The following KLF8 variants were observed in gnomAD, a reference collection of about 807,000 sequenced individuals.
KLF8 encodes Krueppel-like factor 8.
A neutral mutation model predicts 18.2 loss-of-function variants in KLF8; 10 were observed. That is an observed-to-expected ratio of 0.55 (90% CI 0.34 to 0.93). The LOEUF (loss-of-function observed/expected upper bound fraction) is 0.93. Among genes scored for constraint, KLF8 ranks in the 40% least tolerant of loss-of-function variants. The pLI, the probability that KLF8 is intolerant of heterozygous loss-of-function variation, is 0.02. For missense variants in KLF8, 264 were observed against 277.9 expected (o/e 0.95, Z 0.36); for synonymous variants, 109 against 97.3 (o/e 1.12, Z -0.71).
chrX:55,980,403 G>A, the KLF8 span, among the ~76,000 whole-genome samples: 3 of 111,397 alleles, frequency 2.7e-5, no homozygotes, highest in African/African-American at 9.8e-5. Context: ...GAATAGAGGA[G>A]GGTAAGGTTT....
At chrX:56,104,507 G>A in the KLF8 span, among the ~76,000 whole-genome samples, 1 of 111,678 alleles carries the variant, frequency 9.0e-6, no homozygotes, top group African/African-American at 3.3e-5. Flanking sequence ...TTGCATAGAG[G>A]TGTTTATAGT....
At chrX:56,003,007 A>G in the KLF8 span, among the ~76,000 whole-genome samples, 2 of 112,138 alleles carry the variant, frequency 1.8e-5, no homozygotes, top group Non-Finnish European at 3.8e-5. Context: ...AAAAACCATT[A>G]TTCACTTTTA....
At chrX:56,090,065 A>T in the KLF8 span, among the ~76,000 whole-genome samples, 1 of 111,974 alleles carries the variant, frequency 8.9e-6, no homozygotes, top group Non-Finnish European at 1.9e-5. Context: ...ACCTTCATTT[A>T]TCACCTAATG....
chrX:55,920,487 A>G, the KLF8 span, among the ~76,000 whole-genome samples: 1 of 111,810 alleles, frequency 8.9e-6, no homozygotes, highest in African/African-American at 3.2e-5. Flanking sequence ...GAGGCAATAG[A>G]AAAAGGTGAA....
the KLF8 span, among the ~76,000 whole-genome samples, chrX:56,138,825 G>A: frequency 5.4e-5 from 6 of 110,952 alleles, no homozygotes; most frequent in African/African-American, 2.0e-4. Context: ...AGAGCAATAA[G>A]GCAAGAAAAA....
At chrX:56,258,768 T>C (rs1026882960) in intron 2 of KLF8, among the ~76,000 whole-genome samples, 3 of 111,972 alleles carry the variant, frequency 2.7e-5, no homozygotes, top group African/African-American at 9.7e-5. Flanking sequence ...GGATATCTTA[T>C]TTTTAGAAAA....
At chrX:55,958,343 C>A in the KLF8 span, among the ~76,000 whole-genome samples, 1 of 111,779 alleles carries the variant, frequency 8.9e-6, no homozygotes, top group African/African-American at 3.3e-5. Flanking sequence ...CTGGGTTGGG[C>A]AGTGGGGGGA....
chrX:56,049,544 G>A, the KLF8 span, among the ~76,000 whole-genome samples: 5 of 106,775 alleles, frequency 4.7e-5, no homozygotes, highest in African/African-American at 1.4e-4. Context: ...TTTGTCTTTG[G>A]CTCTGTTTAT....
At chrX:56,016,263 AAT>A in the KLF8 span, among the ~76,000 whole-genome samples, 1 of 112,242 alleles carries the variant, frequency 8.9e-6, no homozygotes, top group Non-Finnish European at 1.9e-5. Flanking sequence ...TGAAGTATAT[AAT>A]ATAGTGCCTG....
chrX:56,201,336 T>C, the KLF8 span, among the ~76,000 whole-genome samples: 6 of 112,023 alleles, frequency 5.4e-5, no homozygotes, highest in Admixed American at 4.8e-4. Flanking sequence ...GAGGATAAGA[T>C]GCTATGTTAA....
the KLF8 span, among the ~76,000 whole-genome samples, chrX:56,064,429 G>A: frequency 3.7e-5 from 4 of 108,242 alleles, no homozygotes; most frequent in African/African-American, 1.4e-4. Flanking sequence ...TGAGTTTCTT[G>A]TGAGCAGCAT....
chrX:56,150,591 T>A, the KLF8 span, among the ~76,000 whole-genome samples: 3 of 110,996 alleles, frequency 2.7e-5, no homozygotes, highest in South Asian at 1.2e-3. Flanking sequence ...TGGGGACCCC[T>A]CCCTAGACCT....
chrX:55,943,452 G>A, the KLF8 span, among the ~76,000 whole-genome samples: 1 of 111,399 alleles, frequency 9.0e-6, no homozygotes. Flanking sequence ...CTGGTTTGAT[G>A]AGTCTATTCA....
chrX:56,047,619 T>C, the KLF8 span, among the ~76,000 whole-genome samples: 1 of 111,181 alleles, frequency 9.0e-6, no homozygotes, highest in Non-Finnish European at 1.9e-5. Flanking sequence ...GGCTGCAGAG[T>C]ATTCCATGGT....
chrX:55,941,054 C>T, the KLF8 span, among the ~76,000 whole-genome samples: 1 of 111,624 alleles, frequency 9.0e-6, no homozygotes, highest in African/African-American at 3.3e-5. Flanking sequence ...CAAAAAAGAG[C>T]CCACATTGCC....
At chrX:55,956,150 TATCTATCTATCTATCTATC>T in the KLF8 span, among the ~76,000 whole-genome samples, 1 of 100,521 alleles carries the variant, frequency 9.9e-6, no homozygotes, top group Non-Finnish European at 1.9e-5. Flanking sequence ...TCTATCTATC[TATCTATCTATCTATCTATC>T]ATCTATCTAT....
chrX:56,250,179 T>C, intron 1 of KLF8, 52 bp from the exon 2 acceptor site: 2 of 900,494 alleles, frequency 2.2e-6, no homozygotes, highest in Non-Finnish European at 3.2e-6. Flanking sequence ...TTTATGCATA[T>C]AGTGGGTTAG....
chrX:56,005,264 G>A, the KLF8 span, among the ~76,000 whole-genome samples: 1 of 110,799 alleles, frequency 9.0e-6, no homozygotes, highest in African/African-American at 3.3e-5. Context: ...CTTCTGCACT[G>A]TAGGCACCAA....
the KLF8 span, among the ~76,000 whole-genome samples, chrX:55,943,674 G>A: frequency 8.9e-6 from 1 of 112,237 alleles, no homozygotes; most frequent in East Asian, 2.8e-4. Flanking sequence ...GTTGTTCAGT[G>A]TAAGGCTATG....
Sources: gnomAD v4.1 joint callset for allele counts (sites outside exome capture counted in the v4.1 genomes callset) on GRCh38, gnomAD v4.1.1 for gene constraint, MANE v1.5 for transcripts, NCBI Gene and HGNC (gene_info 2026-07-23, HGNC 2026-07-21) for gene names.